Variants in MAN1A1 observed in about 807,000 individuals in gnomAD.
MAN1A1 encodes the protein mannosyl-oligosaccharide 1,2-alpha-mannosidase IA.
In MAN1A1, 29 loss-of-function variants were observed where a neutral mutation model predicts 70.8. The observed-to-expected ratio is 0.41, with a 90% CI of 0.31 to 0.56. The LOEUF (loss-of-function observed/expected upper bound fraction) is 0.56, where lower values mean the gene tolerates loss of function less well. Among genes scored for constraint, MAN1A1 ranks in the 20% least tolerant of loss-of-function variants. The pLI is 0.29. For synonymous variants in MAN1A1, 349 were observed against 330.1 expected, an observed-to-expected ratio of 1.06 and a Z score of -0.62; for missense variants, 747 against 841.3, an observed-to-expected ratio of 0.89 and a Z score of 1.39.
Position 119,248,363 on chromosome 6 carries a change from TCAAA to T in MAN1A1, c.898-13_898-10del, listed in dbSNP as rs750937590. 2 of 1,537,586 alleles carry T rather than the reference TCAAA, an allele frequency of 1.3e-6. No homozygotes were observed. The highest frequency in any genetic ancestry group is 1.1e-5 in the South Asian group (1 of 89,500). ...GCTTTCTTTCGAAAAATCTGAAAAG[TCAAA>T]CAGTTAACTGTAAGCTACTGTTGCA... On this transcript the variant is annotated splice_polypyrimidine_tract_variant and intron_variant, in intron 5 of 12. Coordinates refer to ENST00000368468, the MANE Select transcript of MAN1A1 (RefSeq NM_005907.4).
intron 2 of MAN1A1, among the ~76,000 whole-genome samples, chr6:119,316,715 C>T (rs576002667): frequency 1.3e-3 from 199 of 152,098 alleles, no homozygotes; most frequent in Non-Finnish European, 2.2e-3. Flanking sequence ...TTGAAATGTG[C>T]TATCTTTAAA....
At chr6:119,224,822 T>C (rs1488696743) in intron 6 of MAN1A1, among the ~76,000 whole-genome samples, 5 of 152,238 alleles carry the variant, frequency 3.3e-5, no homozygotes, top group Admixed American at 6.5e-5. Flanking sequence ...AACTTGAAGA[T>C]ATCACTAAAA....
intron 6 of MAN1A1, among the ~76,000 whole-genome samples, chr6:119,245,505 GGAAA>G (rs1775146457): frequency 6.6e-6 from 1 of 152,100 alleles, no homozygotes; most frequent in Admixed American, 6.6e-5. Flanking sequence ...TTGCCCTACA[GGAAA>G]ACTTAAGATG....
chr6:119,284,089 T>C (rs1421637859), intron 5 of MAN1A1, among the ~76,000 whole-genome samples: 2 of 152,180 alleles, frequency 1.3e-5, no homozygotes, highest in African/African-American at 4.8e-5. Context: ...CTACATTTAA[T>C]CACTAAAATG....
intron 5 of MAN1A1, among the ~76,000 whole-genome samples, chr6:119,272,124 G>C (rs143945481): frequency 6.6e-6 from 1 of 152,232 alleles, no homozygotes; most frequent in African/African-American, 2.4e-5. Flanking sequence ...TTCCTATCAT[G>C]AATAGTCTTA....
chr6:119,202,123 T>C (rs190162912), intron 7 of MAN1A1, among the ~76,000 whole-genome samples: 52 of 152,294 alleles, frequency 3.4e-4, no homozygotes, highest in African/African-American at 1.3e-3. Flanking sequence ...CTTTATAAAC[T>C]TTTTAATTAA....
intron 11 of MAN1A1, among the ~76,000 whole-genome samples, chr6:119,185,789 C>A (rs539263043): frequency 8.2e-4 from 124 of 151,286 alleles, no homozygotes; most frequent in African/African-American, 2.9e-3. Context: ...CCGTGTTAGC[C>A]AGGATGGTCT....
intron 4 of MAN1A1, among the ~76,000 whole-genome samples, chr6:119,291,436 A>G (rs1052470965): frequency 1.3e-4 from 20 of 152,154 alleles, no homozygotes; most frequent in Non-Finnish European, 2.5e-4. Context: ...AATTACAAAA[A>G]TATTTGTCAA....
At chr6:119,183,027 C>T (rs113006100) in intron 11 of MAN1A1, among the ~76,000 whole-genome samples, 2,225 of 152,106 alleles carry the variant, frequency 0.015, 56 homozygotes, top group African/African-American at 0.052. Flanking sequence ...AGAAAAGAGG[C>T]GAGGGAAAGT....
At chr6:119,319,671 A>C (rs1338764782) in intron 2 of MAN1A1, among the ~76,000 whole-genome samples, 1 of 152,170 alleles carries the variant, frequency 6.6e-6, no homozygotes, top group Non-Finnish European at 1.5e-5. Context: ...TAAAAATATG[A>C]ATATATATTA....
chr6:119,243,376 G>A (rs1229051187), intron 6 of MAN1A1, among the ~76,000 whole-genome samples: 1 of 151,872 alleles, frequency 6.6e-6, no homozygotes, highest in African/African-American at 2.4e-5. Context: ...AAAACTGTTA[G>A]CAAATTTAAT....
chr6:119,214,354 T>G (rs1774138330), intron 6 of MAN1A1, among the ~76,000 whole-genome samples: 1 of 152,122 alleles, frequency 6.6e-6, no homozygotes, highest in Admixed American at 6.5e-5. Context: ...ATACTAACAT[T>G]AAAAAATGTT....
At chr6:119,349,482 G>C in intron 1 of MAN1A1, 60 bp downstream of exon 1, 1 of 961,458 alleles carries the variant, frequency 1.0e-6, no homozygotes, top group Non-Finnish European at 1.2e-6. Flanking sequence ...TAGGGGAGGG[G>C]TGTCCCGCGC....
At chr6:119,338,295 T>TA (rs1227846140) in intron 2 of MAN1A1, among the ~76,000 whole-genome samples, 1 of 151,642 alleles carries the variant, frequency 6.6e-6, no homozygotes, top group African/African-American at 2.4e-5. Context: ...TTCACTATCT[T>TA]AAAAAACATG....
At chr6:119,294,033 T>C (rs1333386479) in intron 4 of MAN1A1, among the ~76,000 whole-genome samples, 1 of 152,086 alleles carries the variant, frequency 6.6e-6, no homozygotes, top group Admixed American at 6.6e-5. Flanking sequence ...CAGCTCAGCC[T>C]AAACGAACTA....
intron 6 of MAN1A1, among the ~76,000 whole-genome samples, chr6:119,220,333 C>T (rs1350946711): frequency 7.8e-6 from 1 of 128,924 alleles, no homozygotes; most frequent in African/African-American, 2.9e-5. Context: ...ATTTATTTTA[C>T]TTGGTGAGTT....
chr6:119,321,023 T>C (rs1772989218), intron 2 of MAN1A1, among the ~76,000 whole-genome samples: 1 of 152,238 alleles, frequency 6.6e-6, no homozygotes, highest in Non-Finnish European at 1.5e-5. Flanking sequence ...TTGAAATGTT[T>C]AATTTTTACC....
intron 5 of MAN1A1, among the ~76,000 whole-genome samples, chr6:119,262,199 T>C (rs2114355697): frequency 6.6e-6 from 1 of 152,258 alleles, no homozygotes; most frequent in East Asian, 1.9e-4. Flanking sequence ...AAAAACTTAA[T>C]GTCAATACTG....
At chr6:119,218,557 G>T (rs768831725) in intron 6 of MAN1A1, among the ~76,000 whole-genome samples, 38 of 150,200 alleles carry the variant, frequency 2.5e-4, no homozygotes, top group Non-Finnish European at 4.9e-4. Context: ...TTATAACATC[G>T]ATAAAAAAAA....
Sources: gnomAD v4.1 joint callset for allele counts (sites outside exome capture counted in the v4.1 genomes callset) on GRCh38, gnomAD v4.1.1 for gene constraint, MANE v1.5 for transcripts, NCBI Gene and HGNC (gene_info 2026-07-23, HGNC 2026-07-21) for gene names.